The following FZR1 variants were observed in gnomAD, a reference collection of about 807,000 sequenced individuals.
FZR1 encodes fizzy-related protein homolog.
Under a neutral mutation model 63.6 loss-of-function variants are expected in FZR1, and 11 were observed. That is an observed-to-expected ratio of 0.17 (90% CI 0.11 to 0.29). The LOEUF (loss-of-function observed/expected upper bound fraction) is 0.29. FZR1 is among the 10% of genes least tolerant of loss of function. The pLI is 1.00. For synonymous variants in FZR1, 328 were observed against 297.9 expected, an observed-to-expected ratio of 1.10 and a Z score of -1.04; for missense variants, 440 against 687.5, an observed-to-expected ratio of 0.64 and a Z score of 4.03.
chr19:3,536,705 G>A lies in FZR1; in HGVS notation c.*1869G>A, dbSNP rs1368841628. 1 of 152,260 alleles carries A rather than the reference G, an allele frequency of 6.6e-6. No individual in the cohort carries two copies. Among genetic ancestry groups the A allele is most frequent in the East Asian group, 1.9e-4 (1 of 5,192 alleles). 9.4% of individuals were successfully genotyped at this position (152,260 alleles called of 1,614,324 possible). A position where few individuals can be genotyped will look rare whatever the true frequency, so the allele number is the denominator to read the frequency against. ...GGAGCTCCCAGGACAGACCAGCCTT[G>A]TTTCTCATGTAATGCAGTGACGCTG... On this transcript the variant is annotated 3_prime_UTR_variant, in exon 14 of 14. Coordinates refer to ENST00000441788, the MANE Select transcript of FZR1 (RefSeq NM_016263.4).
intron 1 of FZR1, among the ~76,000 whole-genome samples, chr19:3,509,072 C>T (rs575624446): frequency 4.3e-4 from 66 of 152,376 alleles, no homozygotes; most frequent in African/African-American, 1.5e-3. Context: ...CCTGTGGTCA[C>T]CAGTGACCTG....
At chr19:3,527,489 T>C (rs1436030218) in intron 6 of FZR1, 142 bp from the exon 7 acceptor site, 1 of 663,660 alleles carries the variant, frequency 1.5e-6, no homozygotes, top group Non-Finnish European at 2.6e-6. Context: ...TGTCCCTGGG[T>C]TTAGGATCAC....
Position 3,526,130 on chromosome 19 carries a change from A to C in FZR1, c.206A>C (p.Lys69Thr), listed in dbSNP as rs139197779. The C allele has an allele frequency of 2.4e-5, 39 of 1,612,880 alleles. No homozygotes were observed. The highest frequency in any genetic ancestry group is 5.3e-5 in the African/African-American group (4 of 75,022). ...VNFHRINENE[K>T]SPSQNRKAKD... ...CTCTCCTGCCTGCAGGAGAATGAGA[A>C]GTCTCCCAGTCAGAACCGGAAAGCC... Residue 69 changes from lysine to threonine, a missense_variant, in exon 4 of 14, where the codon AAG becomes ACG. By Grantham distance (78) the Lys-to-Thr change is moderately conservative. Coordinates refer to ENST00000441788, the MANE Select transcript of FZR1 (RefSeq NM_016263.4). This position sits in a 1 kb window ranked among gnomAD's most constrained non-coding sequence, Gnocchi z 5.4.
intron 8 of FZR1, among the ~76,000 whole-genome samples, 166 bp from the exon 9 acceptor site, chr19:3,531,548 C>T (rs1169581019): frequency 6.6e-6 from 1 of 152,186 alleles, no homozygotes; most frequent in African/African-American, 2.4e-5. Context: ...CCAGCATGCA[C>T]TGAGGGGGGT....
intron 1 of FZR1, among the ~76,000 whole-genome samples, chr19:3,522,495 C>T (rs926959037): frequency 6.6e-6 from 1 of 152,172 alleles, no homozygotes; most frequent in Non-Finnish European, 1.5e-5. Context: ...GGCCTGGACC[C>T]ACGTGGCCGG....
chr19:3,509,526 G>A (rs911744967), intron 1 of FZR1, among the ~76,000 whole-genome samples: 2 of 152,222 alleles, frequency 1.3e-5, no homozygotes, highest in African/African-American at 2.4e-5. Flanking sequence ...AGAGCGTGCA[G>A]TTCCCTGGTT....
chr19:3,528,646 G>GGAGAGTGGATGGGAGAATGGATGA (rs1410773908), intron 7 of FZR1, among the ~76,000 whole-genome samples: 5 of 151,896 alleles, frequency 3.3e-5, no homozygotes, highest in Non-Finnish European at 4.4e-5. Flanking sequence ...AGAGTGGATG[G>GGAGAGTGGATGGGAGAATGGATGA]GAGAGTGGAT....
Position 3,526,470 on chromosome 19 carries a change from T to A in FZR1, c.387+84T>A. ...CCACCTCCCAGGCACCAGCTCTGCC[T>A]CCCCGAGCCCGGTTCTCGGGCCCAG... is the stretch of plus-strand genomic sequence containing the variant. On this transcript the variant is annotated intron_variant, in intron 5 of 13. Coordinates refer to ENST00000441788, the MANE Select transcript of FZR1 (RefSeq NM_016263.4). This position sits in a 1 kb window ranked among gnomAD's most constrained non-coding sequence, Gnocchi z 5.4. 8.6e-7 allele frequency: 1 copy of A among 1,165,610 alleles called. No individual in the cohort carries two copies. The highest frequency in any genetic ancestry group is 1.2e-6 in the Non-Finnish European group (1 of 824,252). The allele number at this position is 1,165,610 out of a possible 1,614,324, so 72.2% of individuals were successfully genotyped here.
At position 3,526,889 on chromosome 19, in the gene FZR1, A is replaced by G. The variant is rs968444759; in HGVS notation, c.388-91A>G. 48 of 888,362 alleles carry G rather than the reference A, an allele frequency of 5.4e-5. No individual in the cohort carries two copies. The highest frequency in any genetic ancestry group is 8.9e-5 in the Non-Finnish European group (48 of 541,120). 55.0% of individuals were successfully genotyped at this position (888,362 alleles called of 1,614,324 possible). A position where few individuals can be genotyped will look rare whatever the true frequency, so the allele number is the denominator to read the frequency against. ...GGGTCTCAGCACCTGCCTTAGGGCT[A>G]TGAGCTGTACCGGGAGCGTGGGCTG... On this transcript the variant is annotated intron_variant, in intron 5 of 13. Transcript: ENST00000441788. This position sits in a 1 kb window ranked among gnomAD's most constrained non-coding sequence, Gnocchi z 5.4.
chr19:3,527,606 G>A (rs2083173496), intron 6 of FZR1, 25 bp from the exon 7 acceptor site: 2 of 1,587,074 alleles, frequency 1.3e-6, no homozygotes, highest in Non-Finnish European at 1.7e-6. Flanking sequence ...CGTGGCTCAC[G>A]GATGCCACGT....
At chr19:3,518,664 C>A (rs2083076660) in intron 1 of FZR1, among the ~76,000 whole-genome samples, 1 of 152,178 alleles carries the variant, frequency 6.6e-6, no homozygotes, top group African/African-American at 2.4e-5. Context: ...GTCCATCTTG[C>A]TTTTACTTTG....
At chr19:3,519,779 G>T (rs886133032) in intron 1 of FZR1, among the ~76,000 whole-genome samples, 1 of 152,220 alleles carries the variant, frequency 6.6e-6, no homozygotes, top group African/African-American at 2.4e-5. Context: ...TCATGCCACA[G>T]TACTGCCTTT....
intron 7 of FZR1, among the ~76,000 whole-genome samples, chr19:3,530,137 C>G (rs1374282828): frequency 8.5e-6 from 1 of 117,424 alleles, no homozygotes; most frequent in African/African-American, 3.5e-5. Flanking sequence ...GATGGGAGAG[C>G]GCATGGGTGA....
chr19:3,512,707 A>G (rs1317749092), intron 1 of FZR1, among the ~76,000 whole-genome samples: 1 of 152,084 alleles, frequency 6.6e-6, no homozygotes, highest in Non-Finnish European at 1.5e-5. Flanking sequence ...AAGGCCATCT[A>G]TGCAGCTGGC....
intron 1 of FZR1, among the ~76,000 whole-genome samples, chr19:3,510,690 C>T (rs986639005): frequency 3.3e-5 from 5 of 152,118 alleles, no homozygotes; most frequent in African/African-American, 1.2e-4. Flanking sequence ...GGTCTGTTTG[C>T]CCTGGAGAGC....
At chr19:3,509,201 A>G (rs2083007217) in intron 1 of FZR1, among the ~76,000 whole-genome samples, 1 of 152,170 alleles carries the variant, frequency 6.6e-6, no homozygotes, top group Non-Finnish European at 1.5e-5. Context: ...AGGGACGTTC[A>G]TGTCCCCAGT....
intron 1 of FZR1, among the ~76,000 whole-genome samples, chr19:3,511,943 C>T (rs527514944): frequency 6.6e-6 from 1 of 152,294 alleles, no homozygotes; most frequent in South Asian, 2.1e-4. Context: ...ATCTCTGTGC[C>T]TCAGTGGTCT....
chr19:3,524,166 G>A (rs1599781297), intron 2 of FZR1, among the ~76,000 whole-genome samples: 1 of 152,190 alleles, frequency 6.6e-6, no homozygotes, highest in Non-Finnish European at 1.5e-5. Flanking sequence ...CCAGCAGCAG[G>A]AGCAGCCCTA....
rs895361329 is a variant in FZR1, at chr19:3,514,016, T to C, written c.-35+7542T>C. On this transcript the variant is annotated intron_variant, in intron 1 of 13. Transcript: ENST00000441788. The surrounding 1 kb of genome is among the most constrained non-coding windows in gnomAD (Gnocchi z 4.2). The stretch of plus-strand genomic sequence containing the variant: ...CCAGCCAAGCAAGGCGTTGCAGGAG[T>C]AGGAGCTTGGCTGAGCCTCCAGGAA... Among the ~76,000 whole-genome samples, 3 of 151,774 alleles carry C rather than the reference T, an allele frequency of 2.0e-5. No individual in the cohort carries two copies. Among genetic ancestry groups the C allele is most frequent in the African/African-American group, 4.8e-5 (2 of 41,292 alleles).
Sources: allele counts gnomAD v4.1 joint callset (sites outside exome capture counted in the v4.1 genomes callset), GRCh38; gene constraint gnomAD v4.1.1; non-coding constraint Gnocchi (gnomAD v3.1); transcripts MANE v1.5; gene names NCBI Gene and HGNC (gene_info 2026-07-23, HGNC 2026-07-21).